Variants in SLC44A2 observed in about 807,000 individuals in gnomAD.
The protein encoded by SLC44A2 is solute carrier family 44 member 2 (CTL2 blood group).
A neutral mutation model predicts 90.8 loss-of-function variants in SLC44A2; 57 were observed. The ratio of observed to expected loss-of-function variants is 0.63; its 90% CI spans 0.51 to 0.78. The LOEUF (loss-of-function observed/expected upper bound fraction) is 0.78. Among genes scored for constraint, SLC44A2 ranks in the 30% least tolerant of loss-of-function variants. SLC44A2 has a pLI of 0.00. For synonymous variants in SLC44A2, 355 were observed against 360.7 expected, an observed-to-expected ratio of 0.98 and a Z score of 0.18; for missense variants, 794 against 919.7, an observed-to-expected ratio of 0.86 and a Z score of 1.77.
At chr19:10,624,336 CTCTG>C (rs2066913398), upstream of SLC44A2, among the ~76,000 whole-genome samples, 1 of 152,056 alleles carries the variant, frequency 6.6e-6, no homozygotes, top group Admixed American at 6.5e-5. Context: ...CAGAGTCTCA[CTCTG>C]TCCCCCAGGT....
chr19:10,627,982 G>C lies in SLC44A2; in HGVS notation c.223G>C (p.Gly75Arg). The change falls in exon 4 of 22, where the codon GGG (glycine) becomes CGG (arginine). Residue 75 changes from glycine (G) to arginine (R), a missense_variant. Physicochemically the swap from Gly to Arg is moderately radical, Grantham distance 125 (BLOSUM62 -2). Coordinates refer to ENST00000335757, the MANE Select transcript of SLC44A2 (RefSeq NM_020428.4). The part of the protein sequence containing the change: ...YPTDSRGEFC[G>R]QKGTKNENKP... ...CACTGACAGCCGGGGCGAGTTCTGCGGGCAGAAGGGCACAAAAAACGAGTG... is the reference window on the plus strand; with the variant it reads ...CACTGACAGCCGGGGCGAGTTCTGCCGGCAGAAGGGCACAAAAAACGAGTG... 1 of 1,613,582 alleles carries C rather than the reference G, an allele frequency of 6.2e-7. No homozygotes were observed. The highest frequency in any genetic ancestry group is 8.5e-7 in the Non-Finnish European group (1 of 1,179,744).
chr19:10,624,602 T>C (rs1033697125), upstream of SLC44A2, among the ~76,000 whole-genome samples: 3 of 152,266 alleles, frequency 2.0e-5, no homozygotes, highest in Non-Finnish European at 4.4e-5. Flanking sequence ...CTATGCCTGC[T>C]CTTTGAGGTC....
At chr19:10,617,007 C>T (rs965013543) in intron 1 of SLC44A2, among the ~76,000 whole-genome samples, 13 of 151,950 alleles carry the variant, frequency 8.6e-5, no homozygotes, top group Non-Finnish European at 1.6e-4. Context: ...CTGCAAGCTC[C>T]GCCTCCCGGG....
intron 1 of SLC44A2, among the ~76,000 whole-genome samples, chr19:10,612,237 T>C (rs1023608696): frequency 6.6e-6 from 1 of 151,964 alleles, no homozygotes; most frequent in African/African-American, 2.4e-5. Context: ...CGGGGCGTGG[T>C]GGTGCATGCC....
rs1450756742 is a variant in SLC44A2 at position 10,636,475 on chromosome 19, G to A, written c.1386G>A (p.Ala462=). The A allele has an allele frequency of 3.7e-6, 6 of 1,613,342 alleles. No individual in the cohort carries two copies. Among genetic ancestry groups the A allele is most frequent in the East Asian group, 2.2e-5 (1 of 44,874 alleles). ...TCTGGTTGGCCAACTTCGTGCTGGC[G>A]CTGGGCCAGGTCACGCTGGCCGGGG... ...MFFWLANFVL[A]LGQVTLAGAF... Residue 462 remains alanine (A), a synonymous_variant, in exon 15 of 22, where the codon GCG becomes GCA. Transcript: ENST00000335757.
Position 10,643,363 on chromosome 19 carries a change from A to G in SLC44A2, c.2099A>G (p.Asn700Ser). The change falls in exon 22 of 22, where the codon AAC becomes AGC. Residue 700 changes from asparagine (N) to serine (S), a missense_variant. Physicochemically the swap from Asn to Ser is conservative, Grantham distance 46. Transcript: ENST00000335757. ...CTCAAGAAACTCTTGAACAAGACCA[A>G]CAAGAAGGCAGCGGAGTCCTGAAGG... ...STLKKLLNKTNKKAAES is the reference protein window; with the variant it reads ...STLKKLLNKTSKKAAES The G allele has an allele frequency of 6.2e-7, 1 of 1,612,720 alleles. No homozygotes were observed. Among genetic ancestry groups the G allele is most frequent in the Non-Finnish European group, 8.5e-7 (1 of 1,179,294 alleles).
intron 4 of SLC44A2, among the ~76,000 whole-genome samples, chr19:10,629,636 G>A (rs1355005000): frequency 3.3e-5 from 5 of 151,912 alleles, no homozygotes; most frequent in Non-Finnish European, 5.9e-5. Flanking sequence ...GTCAGCCAGT[G>A]GCAGGATCAT....
chr19:10,609,456 C>T (rs941757378), intron 1 of SLC44A2, among the ~76,000 whole-genome samples: 5 of 151,798 alleles, frequency 3.3e-5, no homozygotes, highest in East Asian at 2.0e-4. Context: ...CACCTCACCA[C>T]GTCCAGCTAC....
At chr19:10,607,264 C>A (rs1028511487) in intron 1 of SLC44A2, among the ~76,000 whole-genome samples, 3 of 151,952 alleles carry the variant, frequency 2.0e-5, no homozygotes, top group Non-Finnish European at 4.4e-5. Flanking sequence ...GCTTTAAATA[C>A]AAAAGATACA....
At chr19:10,603,128 GA>G (rs1282588737) in intron 1 of SLC44A2, among the ~76,000 whole-genome samples, 1 of 152,150 alleles carries the variant, frequency 6.6e-6, no homozygotes, top group East Asian at 1.9e-4. Flanking sequence ...AAAAAATTGA[GA>G]AACTTTCCCC....
Position 10,627,959 on chromosome 19 carries a change from C to G in SLC44A2, c.200C>G (p.Thr67Ser). 1 of 1,614,000 alleles carries G rather than the reference C, an allele frequency of 6.2e-7. No homozygotes were observed. ...GACCCTCGAAAGGTGATCTACCCCACTGACAGCCGGGGCGAGTTCTGCGGG... is the reference window on the plus strand; with the variant it reads ...GACCCTCGAAAGGTGATCTACCCCAGTGACAGCCGGGGCGAGTTCTGCGGG... The part of the protein sequence containing the change: ...HGDPRKVIYP[T>S]DSRGEFCGQK... The change falls in exon 4 of 22, where the codon ACT becomes AGT. Residue 67 changes from threonine to serine, a missense_variant. Coordinates refer to ENST00000335757, the MANE Select transcript of SLC44A2 (RefSeq NM_020428.4).
At chr19:10,621,529 G>A (rs1031271935), upstream of SLC44A2, among the ~76,000 whole-genome samples, 1 of 146,296 alleles carries the variant, frequency 6.8e-6, no homozygotes, top group Non-Finnish European at 1.5e-5. Flanking sequence ...TTGCAGCCTC[G>A]ACCTCTTGGT....
intron 21 of SLC44A2, chr19:10,642,787 C>A: frequency 1.5e-6 from 2 of 1,320,112 alleles, no homozygotes; most frequent in Non-Finnish European, 2.0e-6. Flanking sequence ...TTTTTCTTCT[C>A]TCTTCCTCTC....
intron 1 of SLC44A2, among the ~76,000 whole-genome samples, chr19:10,618,474 CT>C (rs3029799): frequency 1.5e-3 from 128 of 87,294 alleles, no homozygotes; most frequent in African/African-American, 5.1e-3. Flanking sequence ...TGCGCCCGGC[CT>C]TTTTTTTTTT....
intron 16 of SLC44A2, chr19:10,636,994 G>C: frequency 1.9e-6 from 1 of 522,370 alleles, no homozygotes; most frequent in Non-Finnish European, 3.4e-6. Flanking sequence ...AAGAGGCCTG[G>C]CCCACCATTG....
At chr19:10,636,253 C>G in intron 14 of SLC44A2, 70 bp from the exon 15 acceptor site, 2 of 1,538,656 alleles carry the variant, frequency 1.3e-6, no homozygotes, top group South Asian at 2.5e-5. Flanking sequence ...GGCCCCACAC[C>G]TGATGCTCAG....
At chr19:10,641,893 C>A (rs1218936303) in intron 20 of SLC44A2, among the ~76,000 whole-genome samples, 2 of 151,616 alleles carry the variant, frequency 1.3e-5, no homozygotes, top group Non-Finnish European at 2.9e-5. Context: ...TGCGGTGGCT[C>A]ACGCCTGTAA....
At chr19:10,606,974 C>T (rs773462759) in intron 1 of SLC44A2, among the ~76,000 whole-genome samples, 9 of 146,162 alleles carry the variant, frequency 6.2e-5, no homozygotes, top group African/African-American at 2.3e-4. Context: ...TGCAGTGACA[C>T]GGTCTCGGCT....
intron 1 of SLC44A2, among the ~76,000 whole-genome samples, chr19:10,604,749 G>C (rs978098853): frequency 1.3e-5 from 2 of 152,252 alleles, no homozygotes; most frequent in Middle Eastern, 3.4e-3. Flanking sequence ...TGTCAAGCTC[G>C]ATGTGCTCAG....
Sources: allele counts gnomAD v4.1 joint callset (sites outside exome capture counted in the v4.1 genomes callset), GRCh38; gene constraint gnomAD v4.1.1; transcripts MANE v1.5; gene names NCBI Gene and HGNC (gene_info 2026-07-23, HGNC 2026-07-21).